The following ARL5A variants were observed in gnomAD, a reference collection of about 807,000 sequenced individuals.
The protein encoded by ARL5A is ADP-ribosylation factor-like protein 5A.
ARL5A carries 18 observed loss-of-function variants against 25.9 expected under a neutral mutation model. The observed-to-expected ratio is 0.69, with a 90% CI of 0.48 to 1.03. The LOEUF (loss-of-function observed/expected upper bound fraction) is 1.03, where lower values mean the gene tolerates loss of function less well. ARL5A is among the 50% of genes least tolerant of loss of function. ARL5A has a pLI of 0.00. For synonymous variants in ARL5A, 61 were observed against 67.5 expected (o/e 0.90, Z 0.47); for missense variants, 170 against 211.9 (o/e 0.80, Z 1.23).
chr2:151,806,571 A>G (rs2099830144), intron 5 of ARL5A, among the ~76,000 whole-genome samples: 1 of 152,098 alleles, frequency 6.6e-6, no homozygotes, highest in Non-Finnish European at 1.5e-5. Flanking sequence ...CATTTCTCTG[A>G]GCTCCTATAG....
Position 151,801,097 on chromosome 2 carries a change from A to T in ARL5A, c.*2179T>A, listed in dbSNP as rs2099829359. Reference sequence around the variant, plus strand: ...TAATTTTGGTTTTATGTACAAGTACACAAGTACCACCTTATTTTTAATGTT... The same window carrying T: ...TAATTTTGGTTTTATGTACAAGTACTCAAGTACCACCTTATTTTTAATGTT... On this transcript the variant is annotated 3_prime_UTR_variant, in exon 6 of 6. Coordinates refer to ENST00000295087, the MANE Select transcript of ARL5A (RefSeq NM_012097.4). 6.6e-6 allele frequency: 1 copy of T among 152,604 alleles called. No homozygotes were observed. The highest frequency in any genetic ancestry group is 1.5e-5 in the Non-Finnish European group (1 of 67,992). The allele number at this position is 152,604 out of a possible 1,614,324, so 9.5% of individuals were successfully genotyped here. A position where few individuals can be genotyped will look rare whatever the true frequency, so the allele number is the denominator to read the frequency against.
At position 151,803,182 on chromosome 2, in the gene ARL5A, A is replaced by G; in HGVS notation, c.*94T>C. The G allele has an allele frequency of 1.2e-6, 1 of 820,118 alleles. No individual in the cohort carries two copies. Among genetic ancestry groups the G allele is most frequent in the East Asian group, 2.9e-5 (1 of 34,502 alleles). The allele number at this position is 820,118 out of a possible 1,614,324, so 50.8% of individuals were successfully genotyped here. On this transcript the variant is annotated 3_prime_UTR_variant, in exon 6 of 6. Transcript: ENST00000295087. ...TTATAGAAAAAGTTTAAATCAGTTTATTATAAATATATCTAAACCATTAAT... is the reference window on the plus strand; with the variant it reads ...TTATAGAAAAAGTTTAAATCAGTTTGTTATAAATATATCTAAACCATTAAT...
chr2:151,803,461 C>T, intron 5 of ARL5A, 137 bp from the exon 6 acceptor site: 1 of 678,442 alleles, frequency 1.5e-6, no homozygotes, highest in Non-Finnish European at 2.6e-6. Flanking sequence ...ATATTCAGTG[C>T]TTGGGCTGCT....
intron 4 of ARL5A, among the ~76,000 whole-genome samples, chr2:151,807,486 T>A (rs1205570892): frequency 6.6e-6 from 1 of 152,114 alleles, no homozygotes; most frequent in African/African-American, 2.4e-5. Context: ...CCTTTCCCAA[T>A]CAGGATTCCA....
chr2:151,802,011 C>T lies in ARL5A; in HGVS notation c.*1265G>A, dbSNP rs1345726762. The T allele has an allele frequency of 7.2e-5, 11 of 152,018 alleles. No homozygotes were observed. Among genetic ancestry groups the T allele is most frequent in the African/African-American group, 2.7e-4 (11 of 41,432 alleles). 9.4% of individuals were successfully genotyped at this position (152,018 alleles called of 1,614,324 possible). A position where few individuals can be genotyped will look rare whatever the true frequency, so the allele number is the denominator to read the frequency against. On this transcript the variant is annotated 3_prime_UTR_variant, in exon 6 of 6. Transcript: ENST00000295087. ...AAGTTACTTCTTAGTACAAATAATA[C>T]GTTGTATCAATCAATTTTTAAGCCA...
chr2:151,820,808 CCCT>C (rs2099832209), intron 1 of ARL5A, among the ~76,000 whole-genome samples: 1 of 151,968 alleles, frequency 6.6e-6, no homozygotes, highest in Non-Finnish European at 1.5e-5. Flanking sequence ...TCCAGTCCTG[CCCT>C]ACAAGGTTAA....
intron 1 of ARL5A, among the ~76,000 whole-genome samples, chr2:151,819,558 C>G (rs1031174957): frequency 4.6e-5 from 7 of 151,998 alleles, no homozygotes; most frequent in Non-Finnish European, 8.8e-5. Flanking sequence ...GTAGGACATA[C>G]CAGTGGAAAA....
At chr2:151,822,820 C>T (rs528321109) in intron 1 of ARL5A, among the ~76,000 whole-genome samples, 4 of 152,328 alleles carry the variant, frequency 2.6e-5, no homozygotes, top group Non-Finnish European at 4.4e-5. Context: ...ACCAATTAGG[C>T]TTTAACATAC....
At chr2:151,817,306 G>A (rs980808958) in intron 1 of ARL5A, among the ~76,000 whole-genome samples, 5 of 152,198 alleles carry the variant, frequency 3.3e-5, no homozygotes, top group Non-Finnish European at 7.3e-5. Context: ...TCCGCTTAAT[G>A]AGGCATCTTC....
Position 151,824,907 on chromosome 2 carries a change from G to A in ARL5A, c.46+3224C>T, listed in dbSNP as rs116810105. Among the ~76,000 whole-genome samples, 1,438 of 152,252 alleles carry A rather than the reference G, an allele frequency of 9.4e-3. 28 individuals are homozygous for A. The highest frequency in any genetic ancestry group is 0.033 in the African/African-American group (1,351 of 41,520). ...TGCTTAAAGCAAGTTACCTGTTTCC[G>A]TACCCCTGTAAAATAAGGGGAATAA... On this transcript the variant is annotated intron_variant, in intron 1 of 5. Coordinates refer to ENST00000295087, the MANE Select transcript of ARL5A (RefSeq NM_012097.4).
chr2:151,826,704 A>T (rs914928861), intron 1 of ARL5A, among the ~76,000 whole-genome samples: 1 of 152,242 alleles, frequency 6.6e-6, no homozygotes, highest in African/African-American at 2.4e-5. Context: ...TAAAGTTTAC[A>T]AGATTTGGAA....
chr2:151,826,343 TACC>T (rs1170541965), intron 1 of ARL5A, among the ~76,000 whole-genome samples: 1 of 152,196 alleles, frequency 6.6e-6, no homozygotes, highest in East Asian at 1.9e-4. Flanking sequence ...CGTCAAAAAT[TACC>T]ACAAAATACA....
intron 1 of ARL5A, among the ~76,000 whole-genome samples, chr2:151,826,577 A>G (rs758684503): frequency 2.6e-5 from 4 of 152,266 alleles, no homozygotes; most frequent in Non-Finnish European, 5.9e-5. Context: ...CAGATGAAAC[A>G]CTAGCTTTGC....
intron 4 of ARL5A, among the ~76,000 whole-genome samples, chr2:151,807,869 C>T (rs1171940735): frequency 2.6e-5 from 4 of 152,258 alleles, no homozygotes; most frequent in South Asian, 2.1e-4. Flanking sequence ...CTGAGCAAGA[C>T]ACCTACTGCA....
Position 151,815,129 on chromosome 2 carries a change from T to C in ARL5A, c.107+10A>G. 1 of 1,587,142 alleles carries C rather than the reference T, an allele frequency of 6.3e-7. No individual in the cohort carries two copies. The highest frequency in any genetic ancestry group is 8.6e-7 in the Non-Finnish European group (1 of 1,162,254). Reference sequence around the variant, plus strand: ...GAAATAAAATAATTTTTAAAATAGTTAATACTTACAATTGGTAAAGAATGG... The same window carrying C: ...GAAATAAAATAATTTTTAAAATAGTCAATACTTACAATTGGTAAAGAATGG... On this transcript the variant is annotated intron_variant, in intron 2 of 5. Coordinates refer to ENST00000295087, the MANE Select transcript of ARL5A (RefSeq NM_012097.4).
At chr2:151,807,810 C>T (rs2151292439) in intron 4 of ARL5A, among the ~76,000 whole-genome samples, 1 of 152,158 alleles carries the variant, frequency 6.6e-6, no homozygotes, top group East Asian at 1.9e-4. Flanking sequence ...GAGGCAAGTT[C>T]TTTAAGCTTT....
chr2:151,824,813 G>C (rs1232321397), intron 1 of ARL5A, among the ~76,000 whole-genome samples: 1 of 152,150 alleles, frequency 6.6e-6, no homozygotes, highest in Non-Finnish European at 1.5e-5. Context: ...AGGTGTGTGT[G>C]CGTAGGAGAA....
intron 4 of ARL5A, among the ~76,000 whole-genome samples, chr2:151,807,315 T>G (rs867733633): frequency 6.6e-6 from 1 of 152,192 alleles, no homozygotes; most frequent in Non-Finnish European, 1.5e-5. Context: ...TTATCTTGCC[T>G]ATACTTTTCT....
chr2:151,823,688 C>T (rs2099832667), intron 1 of ARL5A, among the ~76,000 whole-genome samples: 1 of 152,190 alleles, frequency 6.6e-6, no homozygotes, highest in Non-Finnish European at 1.5e-5. Context: ...GATAGTGGCT[C>T]ACTGAATGGC....
Sources: gnomAD v4.1 joint callset for allele counts (sites outside exome capture counted in the v4.1 genomes callset) on GRCh38, gnomAD v4.1.1 for gene constraint, MANE v1.5 for transcripts, NCBI Gene and HGNC (gene_info 2026-07-23, HGNC 2026-07-21) for gene names.